Variants in JRKL observed in about 807,000 individuals in gnomAD.
JRKL encodes the protein JRK like.
A neutral mutation model predicts 34.7 loss-of-function variants in JRKL; 25 were observed. The observed-to-expected ratio is 0.72, with a 90% CI of 0.53 to 1.01. The LOEUF is 1.01. Among genes scored for constraint, JRKL ranks in the 50% least tolerant of loss-of-function variants. The pLI, the probability that JRKL is intolerant of heterozygous loss-of-function variation, is 0.00. For missense variants in JRKL, 495 were observed against 615.7 expected, an observed-to-expected ratio of 0.80 and a Z score of 2.07; for synonymous variants, 204 against 212.8, an observed-to-expected ratio of 0.96 and a Z score of 0.36.
Position 96,390,049 on chromosome 11 carries a change from T to C in JRKL, c.-192T>C, listed in dbSNP as rs988997446. 6.6e-6 allele frequency: 1 copy of C among 152,558 alleles called. No homozygotes were observed. The highest frequency in any genetic ancestry group is 1.5e-5 in the Non-Finnish European group (1 of 68,378). 9.5% of individuals were successfully genotyped at this position (152,558 alleles called of 1,614,324 possible). A position where few individuals can be genotyped will look rare whatever the true frequency, so the allele number is the denominator to read the frequency against. ...GACTGCCGCGCGATAGTCAGGGAGC[T>C]GTGCGGGTCCTGGTTGCAAGAGAGG... On this transcript the variant is annotated 5_prime_UTR_variant, in exon 1 of 2. Transcript: ENST00000332349.
chr11:96,391,304 G>C lies in JRKL; in HGVS notation c.655G>C (p.Gly219Arg), dbSNP rs1866529098. 4 of 1,551,414 alleles carry C rather than the reference G, an allele frequency of 2.6e-6. No individual in the cohort carries two copies. Among genetic ancestry groups the C allele is most frequent in the African/African-American group, 1.4e-5 (1 of 73,026 alleles). ...AATCATGTGTTGTGCCAATGCAACAGGTTTACACAAACTTAAACTTTGTGT... is the reference window on the plus strand; with the variant it reads ...AATCATGTGTTGTGCCAATGCAACACGTTTACACAAACTTAAACTTTGTGT... ...VTIMCCANATGLHKLKLCVVG... is the reference protein window; with the variant it reads ...VTIMCCANATRLHKLKLCVVG... The change falls in exon 2 of 2, where the codon GGT (glycine) becomes CGT (arginine). Residue 219 changes from glycine to arginine, a missense_variant. Physicochemically the swap from Gly to Arg is moderately radical, Grantham distance 125. Coordinates refer to ENST00000332349, the MANE Select transcript of JRKL (RefSeq NM_001261833.2).
chr11:96,391,602 A>C lies in JRKL; in HGVS notation c.953A>C (p.Asn318Thr). 1.2e-6 allele frequency: 2 copies of C among 1,610,978 alleles called. No homozygotes were observed. The highest frequency in any genetic ancestry group is 1.7e-6 in the Non-Finnish European group (2 of 1,178,216). Residue 318 changes from asparagine to threonine, a missense_variant, in exon 2 of 2, where the codon AAT becomes ACT. Transcript: ENST00000332349. ...GQIFAKYLPP[N>T]VASLIQPSDQ... ...ATATTTGCTAAATATTTACCACCTA[A>C]TGTGGCCTCATTGATTCAGCCTTCA...
In JRKL at chr11:96,391,028, A is replaced by G. The variant is rs1261710263; in HGVS notation, c.379A>G (p.Thr127Ala). The G allele has an allele frequency of 1.9e-6, 3 of 1,614,094 alleles. No individual in the cohort carries two copies. Among genetic ancestry groups the G allele is most frequent in the Non-Finnish European group, 2.5e-6 (3 of 1,180,040 alleles). ...TTTTAACCCCTCTGCCGGTTGGCTA[A>G]CTCGTTTTAAGCAGCGGCACAGCAT... ...GDFNPSAGWL[T>A]RFKQRHSIRE... Residue 127 changes from threonine (T) to alanine (A), a missense_variant, in exon 2 of 2, where the codon ACT becomes GCT. Thr to Ala is a moderately conservative substitution (Grantham distance 58, BLOSUM62 0). Coordinates refer to ENST00000332349, the MANE Select transcript of JRKL (RefSeq NM_001261833.2).
rs1188766586 is a variant in JRKL at position 96,390,821 on chromosome 11, A to G, written c.172A>G (p.Ser58Gly). 6.2e-7 allele frequency: 1 copy of G among 1,613,156 alleles called. No individual in the cohort carries two copies. Reference sequence around the variant, plus strand: ...GGAAAAGATTATAACTTATGCAAGCAGTTCTGATTCCACAAGTCTTTTGGC... The same window carrying G: ...GGAAAAGATTATAACTTATGCAAGCGGTTCTGATTCCACAAGTCTTTTGGC... The part of the protein sequence containing the change: ...NKEKIITYAS[S>G]SDSTSLLAKR... The change falls in exon 2 of 2, where the codon AGT becomes GGT. Residue 58 changes from serine (S) to glycine (G), a missense_variant. Ser to Gly is a moderately conservative substitution (Grantham distance 56, BLOSUM62 0). Coordinates refer to ENST00000332349, the MANE Select transcript of JRKL (RefSeq NM_001261833.2).
rs1431189064 is a variant in JRKL at position 96,390,722 on chromosome 11, G to A, written c.73G>A (p.Gly25Arg). ...TGATATAATAAAGAAACTTGAAGAC[G>A]GAGGTTCTTCCAAACAACTGGCAGT... is the stretch of plus-strand genomic sequence containing the variant. ...KLDIIKKLED[G>R]GSSKQLAVIY... The change falls in exon 2 of 2, where the codon GGA (glycine) becomes AGA (arginine). Residue 25 changes from glycine (G) to arginine (R), a missense_variant. Gly to Arg is a moderately radical substitution (Grantham distance 125). Coordinates refer to ENST00000332349, the MANE Select transcript of JRKL (RefSeq NM_001261833.2). 13 of 1,610,148 alleles carry A rather than the reference G, an allele frequency of 8.1e-6. No homozygotes were observed. Among genetic ancestry groups the A allele is most frequent in the Admixed American group, 1.7e-5 (1 of 58,828 alleles).
rs566490052 is a variant in JRKL at position 96,390,039 on chromosome 11, G to C, written c.-202G>C. On this transcript the variant is annotated 5_prime_UTR_variant, in exon 1 of 2. Coordinates refer to ENST00000332349, the MANE Select transcript of JRKL (RefSeq NM_001261833.2). ...GGGGCGGAGCGACTGCCGCGCGATA[G>C]TCAGGGAGCTGTGCGGGTCCTGGTT... 2 of 152,796 alleles carry C rather than the reference G, an allele frequency of 1.3e-5. No individual in the cohort carries two copies. Among genetic ancestry groups the C allele is most frequent in the South Asian group, 4.1e-4 (2 of 4,842 alleles). 9.5% of individuals were successfully genotyped at this position (152,796 alleles called of 1,614,324 possible).
Position 96,390,959 on chromosome 11 carries a change from A to G in JRKL, c.310A>G (p.Lys104Glu). 1 of 1,614,224 alleles carries G rather than the reference A, an allele frequency of 6.2e-7. No individual in the cohort carries two copies. The highest frequency in any genetic ancestry group is 8.5e-7 in the Non-Finnish European group (1 of 1,180,036). ...GNPISGPICA[K>E]RAEFFFYALG... ...TCCCATATCTGGACCAATTTGTGCA[A>G]AAAGGGCAGAGTTCTTCTTTTATGC... The change falls in exon 2 of 2, where the codon AAA becomes GAA. Residue 104 changes from lysine to glutamate, a missense_variant. Transcript: ENST00000332349.
chr11:96,391,430 A>G lies in JRKL; in HGVS notation c.781A>G (p.Ile261Val), dbSNP rs146654559. Residue 261 changes from isoleucine (I) to valine (V), a missense_variant, in exon 2 of 2, where the codon ATT (isoleucine) becomes GTT (valine). By Grantham distance (29) the Ile-to-Val change is conservative. Transcript: ENST00000332349. ...SQKGAWMDLS[I>V]FRQWFDKIFV... ...AAAAGGTGCATGGATGGATCTTTCCATTTTCCGACAATGGTTTGATAAAAT... is the reference window on the plus strand; with the variant it reads ...AAAAGGTGCATGGATGGATCTTTCCGTTTTCCGACAATGGTTTGATAAAAT... The G allele has an allele frequency of 6.3e-5, 97 of 1,551,710 alleles. No individual in the cohort carries two copies. Among genetic ancestry groups the G allele is most frequent in the African/African-American group, 3.8e-4 (28 of 73,170 alleles).
rs775720364 is a variant in JRKL at position 96,393,424 on chromosome 11, A to G, written c.*1200A>G. Among the ~76,000 whole-genome samples the G allele has an allele frequency of 1.3e-5, 2 of 152,058 alleles. No homozygotes were observed. The highest frequency in any genetic ancestry group is 2.9e-5 in the Non-Finnish European group (2 of 67,950). ...GATAAATTTTTTTTGTAAACTAAGTATGTTTATTCAAGACATTGAAACTAC... is the reference window on the plus strand; with the variant it reads ...GATAAATTTTTTTTGTAAACTAAGTGTGTTTATTCAAGACATTGAAACTAC... On this transcript the variant is annotated 3_prime_UTR_variant, in exon 2 of 2. Coordinates refer to ENST00000332349, the MANE Select transcript of JRKL (RefSeq NM_001261833.2).
In JRKL at chr11:96,391,611, C is replaced by T. The variant is rs1207178387; in HGVS notation, c.962C>T (p.Ser321Leu). ...FAKYLPPNVA[S>L]LIQPSDQGVI... ...AAATATTTACCACCTAATGTGGCCT[C>T]ATTGATTCAGCCTTCAGATCAGGGA... The change falls in exon 2 of 2, where the codon TCA becomes TTA. Residue 321 changes from serine (S) to leucine (L), a missense_variant. Coordinates refer to ENST00000332349, the MANE Select transcript of JRKL (RefSeq NM_001261833.2). 1 of 1,612,794 alleles carries T rather than the reference C, an allele frequency of 6.2e-7. No homozygotes were observed. Among genetic ancestry groups the T allele is most frequent in the Non-Finnish European group, 8.5e-7 (1 of 1,179,234 alleles).
rs556490014 is a variant in JRKL, at chr11:96,390,943, T to A, written c.294T>A (p.Ser98=). Residue 98 remains serine (S), a synonymous_variant, in exon 2 of 2, where the codon TCT becomes TCA. Coordinates refer to ENST00000332349, the MANE Select transcript of JRKL (RefSeq NM_001261833.2). ...AAAGAGCAAAAGGGAATCCCATATC[T>A]GGACCAATTTGTGCAAAAAGGGCAG... The part of the protein sequence containing the change: ...NQQRAKGNPI[S]GPICAKRAEF... The A allele has an allele frequency of 5.6e-6, 9 of 1,614,226 alleles. No homozygotes were observed. The East Asian group carries it at 1.8e-4, about 32-fold the overall frequency.
chr11:96,391,760 A>G lies in JRKL; in HGVS notation c.1111A>G (p.Met371Val). 1 of 1,614,202 alleles carries G rather than the reference A, an allele frequency of 6.2e-7. No individual in the cohort carries two copies. Among genetic ancestry groups the G allele is most frequent in the Non-Finnish European group, 8.5e-7 (1 of 1,180,036 alleles). Residue 371 changes from methionine (M) to valine (V), a missense_variant, in exon 2 of 2, where the codon ATG becomes GTG. Met to Val is a conservative substitution (Grantham distance 21). Transcript: ENST00000332349. ...GTTGGATGCACTTTATGAAATAGCA[A>G]TGGCATGGAACTTAGTAAAACCAGT... ...TLLDALYEIA[M>V]AWNLVKPVTI...
At position 96,391,544 on chromosome 11, in the gene JRKL, A is replaced by G; in HGVS notation, c.895A>G (p.Asn299Asp). 2 of 1,559,604 alleles carry G rather than the reference A, an allele frequency of 1.3e-6. No individual in the cohort carries two copies. Among genetic ancestry groups the G allele is most frequent in the South Asian group, 1.2e-5 (1 of 85,432 alleles). The change falls in exon 2 of 2, where the codon AAT becomes GAT. Residue 299 changes from asparagine to aspartate, a missense_variant. Coordinates refer to ENST00000332349, the MANE Select transcript of JRKL (RefSeq NM_001261833.2). ...GTTGGATAATTCACCAACACATCCA[A>G]ATGAAAATGTCCTAAGGTCAGATGA... ...LLLDNSPTHP[N>D]ENVLRSDDGQ...
chr11:96,390,588 GAGAA>G lies in JRKL; in HGVS notation c.-61_-58del. 1 of 1,529,136 alleles carries G rather than the reference GAGAA, an allele frequency of 6.5e-7. No individual in the cohort carries two copies. Among genetic ancestry groups the G allele is most frequent in the Non-Finnish European group, 8.7e-7 (1 of 1,145,492 alleles). The allele number at this position is 1,529,136 out of a possible 1,614,324, so 94.7% of individuals were successfully genotyped here. A position where few individuals can be genotyped will look rare whatever the true frequency, so the allele number is the denominator to read the frequency against. ...AGACTGTTGAAGTGAGCCTGTGTAA[GAGAA>G]GGAAGGATTTTGTGGATTGCTACAT... On this transcript the variant is annotated 5_prime_UTR_variant, in exon 2 of 2. Coordinates refer to ENST00000332349, the MANE Select transcript of JRKL (RefSeq NM_001261833.2).
In JRKL at chr11:96,391,389, T is replaced by A. The variant is rs1239244042; in HGVS notation, c.740T>A (p.Val247Asp). 1 of 1,551,680 alleles carries A rather than the reference T, an allele frequency of 6.4e-7. No individual in the cohort carries two copies. The highest frequency in any genetic ancestry group is 1.2e-5 in the South Asian group (1 of 84,060). The change falls in exon 2 of 2, where the codon GTC becomes GAC. Residue 247 changes from valine to aspartate, a missense_variant. By Grantham distance (152) the Val-to-Asp change is radical (BLOSUM62 -3). Transcript: ENST00000332349. ...FKSTDTLNLP[V>D]SYFSQKGAWM... ...TCAACTGACACCTTAAACCTGCCAG[T>A]CTCTTATTTCAGCCAAAAAGGTGCA...
chr11:96,392,447 A>ATG lies in JRKL; in HGVS notation c.*225_*226dup. ...ATGATACTGAATAGATATAAATTAC[A>ATG]TGTACACATGTATTCACTTTTTAGA... is the stretch of plus-strand genomic sequence containing the variant. On this transcript the variant is annotated 3_prime_UTR_variant, in exon 2 of 2. Transcript: ENST00000332349. The ATG allele has an allele frequency of 2.0e-6, 1 of 495,998 alleles. No individual in the cohort carries two copies. Among genetic ancestry groups the ATG allele is most frequent in the Non-Finnish European group, 3.4e-6 (1 of 296,868 alleles). The allele number at this position is 495,998 out of a possible 1,614,324, so 30.7% of individuals were successfully genotyped here. A position where few individuals can be genotyped will look rare whatever the true frequency, so the allele number is the denominator to read the frequency against.
Position 96,392,389 on chromosome 11 carries a change from T to A in JRKL, c.*165T>A, listed in dbSNP as rs1402132714. 1.6e-5 allele frequency: 16 copies of A among 1,001,848 alleles called. No individual in the cohort carries two copies. The highest frequency in any genetic ancestry group is 2.2e-5 in the Non-Finnish European group (16 of 714,172). The allele number at this position is 1,001,848 out of a possible 1,614,324, so 62.1% of individuals were successfully genotyped here. A position where few individuals can be genotyped will look rare whatever the true frequency, so the allele number is the denominator to read the frequency against. ...ATTATGTGTTTTCATCATCTGTGTCTTTTGTCCTTTTATTTGTACAGATAA... is the reference window on the plus strand; with the variant it reads ...ATTATGTGTTTTCATCATCTGTGTCATTTGTCCTTTTATTTGTACAGATAA... On this transcript the variant is annotated 3_prime_UTR_variant, in exon 2 of 2. Coordinates refer to ENST00000332349, the MANE Select transcript of JRKL (RefSeq NM_001261833.2).
In JRKL at chr11:96,392,296, TG is replaced by T; in HGVS notation, c.*73del. 3 of 1,468,288 alleles carry T rather than the reference TG, an allele frequency of 2.0e-6. No homozygotes were observed. The highest frequency in any genetic ancestry group is 2.7e-6 in the Non-Finnish European group (3 of 1,111,024). The allele number at this position is 1,468,288 out of a possible 1,614,324, so 91.0% of individuals were successfully genotyped here. ...CTTTGCAATATGGCTTAATTTTCTT[TG>T]TGTTCTGAATTCTCAGACTTGGTCC... On this transcript the variant is annotated 3_prime_UTR_variant, in exon 2 of 2. Coordinates refer to ENST00000332349, the MANE Select transcript of JRKL (RefSeq NM_001261833.2).
rs537956630 is a variant in JRKL at position 96,391,839 on chromosome 11, G to A, written c.1190G>A (p.Ser397Asn). 2.5e-5 allele frequency: 40 copies of A among 1,614,192 alleles called. 2 individuals are homozygous for A. The South Asian group carries it at 4.1e-4, about 16-fold the overall frequency. ...KILPMVEEKE[S>N]LDFDVEDISV... is the part of the protein sequence containing the mutation. The stretch of plus-strand genomic sequence containing the variant: ...CTCCCTATGGTAGAGGAGAAAGAGA[G>A]CCTGGACTTTGATGTTGAAGATATT... The change falls in exon 2 of 2, where the codon AGC becomes AAC. Residue 397 changes from serine (S) to asparagine (N), a missense_variant. Coordinates refer to ENST00000332349, the MANE Select transcript of JRKL (RefSeq NM_001261833.2).
Sources: allele counts gnomAD v4.1 joint callset (sites outside exome capture counted in the v4.1 genomes callset), GRCh38; gene constraint gnomAD v4.1.1; transcripts MANE v1.5; gene names NCBI Gene and HGNC (gene_info 2026-07-23, HGNC 2026-07-21).